CFAP251: variants seen among roughly 807,000 people sequenced by gnomAD.
The protein encoded by CFAP251 is cilia and flagella associated protein 251, also known as cilia- and flagella-associated protein 251.
Under a neutral mutation model 126.7 loss-of-function variants are expected in CFAP251, and 93 were observed. The ratio of observed to expected loss-of-function variants is 0.73; its 90% CI spans 0.62 to 0.87. CFAP251 has a LOEUF of 0.87. Ranked by LOEUF, CFAP251 falls within the 40% of genes least tolerant of loss-of-function variation. CFAP251 has a pLI of 0.00. For synonymous variants in CFAP251, 503 were observed against 506.9 expected, an observed-to-expected ratio of 0.99 and a Z score of 0.10; for missense variants, 1,287 against 1,389.2, an observed-to-expected ratio of 0.93 and a Z score of 1.17.
At chr12:121,961,847 G>C (rs1412858285) in intron 14 of CFAP251, 131 bp from the exon 15 acceptor site, 2 of 902,800 alleles carry the variant, frequency 2.2e-6, no homozygotes, top group Non-Finnish European at 1.7e-6. Flanking sequence ...TAGGAGACCT[G>C]ATACCGTCTC....
intron 19 of CFAP251, among the ~76,000 whole-genome samples, chr12:121,980,630 G>A (rs934557186): frequency 1.3e-5 from 2 of 152,120 alleles, no homozygotes; most frequent in Non-Finnish European, 2.9e-5. Context: ...TTCTAGGCAT[G>A]AGCCACCGCT....
chr12:121,958,935 C>A lies in CFAP251; in HGVS notation c.1982-8C>A. The A allele has an allele frequency of 6.3e-7, 1 of 1,576,310 alleles. No homozygotes were observed. Among genetic ancestry groups the A allele is most frequent in the South Asian group, 1.2e-5 (1 of 83,836 alleles). On this transcript the variant is annotated splice_polypyrimidine_tract_variant and splice_region_variant and intron_variant, in intron 12 of 21. Coordinates refer to ENST00000288912, the MANE Select transcript of CFAP251 (RefSeq NM_144668.6). ...CCTTTTCCATCGTTCTCTGGCTTGT[C>A]ATTTCAGGAGCCCTTCTTGGAGCTG... is the stretch of plus-strand genomic sequence containing the variant.
At chr12:121,954,364 T>C in intron 10 of CFAP251, 30 bp downstream of exon 10, 1 of 1,549,084 alleles carries the variant, frequency 6.5e-7, no homozygotes, top group Non-Finnish European at 8.8e-7. Context: ...AAGATAACTA[T>C]GGATAATTAT....
chr12:121,996,095 CCT>C (rs1394097190), intron 19 of CFAP251, among the ~76,000 whole-genome samples: 1 of 152,124 alleles, frequency 6.6e-6, no homozygotes, highest in Non-Finnish European at 1.5e-5. Context: ...AAACTGGTGT[CCT>C]CTGAATTTTT....
At chr12:121,934,398 T>C in intron 5 of CFAP251, 42 bp downstream of exon 5, 1 of 1,455,022 alleles carries the variant, frequency 6.9e-7, no homozygotes, top group Non-Finnish European at 9.6e-7. Context: ...TGAATTTCTG[T>C]AGAGTATCTG....
Position 122,003,657 on chromosome 12 carries a change from GA to G in CFAP251, c.3346del (p.Ile1116PhefsTer23). ...EPATCSVKGS[E>X]ICLEEELPDE... is the part of the protein sequence containing the mutation. ...TCTTTTCTTGTTTTGGCTAGGTTCA[GA>G]AATTTGCCTTGAAGAAGAACTTCCA... On this transcript the variant is annotated frameshift_variant, in exon 22 of 22. Transcript: ENST00000288912. LOFTEE classifies it high-confidence loss of function. The G allele has an allele frequency of 2.5e-6, 4 of 1,608,776 alleles. No homozygotes were observed. Among genetic ancestry groups the G allele is most frequent in the Non-Finnish European group, 3.4e-6 (4 of 1,178,498 alleles).
intron 10 of CFAP251, chr12:121,955,844 C>T (rs1881710123): frequency 6.6e-6 from 1 of 152,124 alleles, no homozygotes; most frequent in Non-Finnish European, 1.5e-5. Context: ...GGAGACCAGG[C>T]CTGGGTTCTC....
rs1417026260 is a variant in CFAP251 at position 121,934,236 on chromosome 12, C to T, written c.889-11C>T. 3 of 1,610,600 alleles carry T rather than the reference C, an allele frequency of 1.9e-6. No homozygotes were observed. Among genetic ancestry groups the T allele is most frequent in the East Asian group, 2.2e-5 (1 of 44,846 alleles). ...TGGATGTTTCAAAGCGTTTTCTCTC[C>T]ATTTCCATAGGGCCACGCCAATATT... On this transcript the variant is annotated splice_polypyrimidine_tract_variant and intron_variant, in intron 4 of 21. Transcript: ENST00000288912.
intron 5 of CFAP251, among the ~76,000 whole-genome samples, chr12:121,939,749 A>T (rs1312465062): frequency 1.3e-5 from 2 of 152,202 alleles, no homozygotes; most frequent in African/African-American, 4.8e-5. Flanking sequence ...TATTCATTTT[A>T]TTAGTGATAA....
intron 3 of CFAP251, 66 bp from the exon 4 acceptor site, chr12:121,931,680 T>C: frequency 7.2e-7 from 1 of 1,386,522 alleles, no homozygotes; most frequent in South Asian, 2.0e-5. Context: ...TCCGGCGAGT[T>C]CCTGGAGCCC....
At chr12:121,948,698 C>T (rs12822775) in intron 7 of CFAP251, 71,529 of 212,764 alleles carry the variant, frequency 0.34, 14,856 homozygotes, top group Non-Finnish European at 0.46. Flanking sequence ...CCAGCCTAGG[C>T]GACAGAGCAA....
At chr12:121,975,102 T>C in intron 17 of CFAP251, 142 bp from the exon 18 acceptor site, 1 of 633,970 alleles carries the variant, frequency 1.6e-6, no homozygotes, top group Non-Finnish European at 2.7e-6. Context: ...TTAAAGGACC[T>C]TTTCTTAACA....
intron 19 of CFAP251, among the ~76,000 whole-genome samples, chr12:121,990,761 C>T (rs974471963): frequency 6.6e-6 from 1 of 152,192 alleles, no homozygotes; most frequent in African/African-American, 2.4e-5. Context: ...CACCTGGGCC[C>T]CAGCCTTGTG....
At chr12:121,944,123 G>A (rs1881229703) in intron 7 of CFAP251, among the ~76,000 whole-genome samples, 1 of 152,110 alleles carries the variant, frequency 6.6e-6, no homozygotes, top group Non-Finnish European at 1.5e-5. Context: ...TTTGTGACTT[G>A]TCTCATTCAT....
At chr12:121,961,122 T>A (rs1881919024) in intron 14 of CFAP251, among the ~76,000 whole-genome samples, 1 of 152,056 alleles carries the variant, frequency 6.6e-6, no homozygotes, top group Admixed American at 6.5e-5. Flanking sequence ...GCTACCTAAA[T>A]GTGAAAACTA....
Position 121,948,985 on chromosome 12 carries a change from A to G in CFAP251, c.1193A>G (p.Asn398Ser), listed in dbSNP as rs1881424954. The change falls in exon 8 of 22, where the codon AAC becomes AGC. Residue 398 changes from asparagine (N) to serine (S), a missense_variant and splice_region_variant. Asn to Ser is a conservative substitution (Grantham distance 46). Transcript: ENST00000288912. Reference protein sequence around the residue: ...LELPTEYGVQNYVTFNPTNNK... With the variant: ...LELPTEYGVQSYVTFNPTNNK... ...GTATTTTCATACTTTATATTTCAGAACTACGTTACTTTTAACCCAACAAAT... is the reference window on the plus strand; with the variant it reads ...GTATTTTCATACTTTATATTTCAGAGCTACGTTACTTTTAACCCAACAAAT... The G allele has an allele frequency of 6.4e-7, 1 of 1,551,304 alleles. No individual in the cohort carries two copies. Among genetic ancestry groups the G allele is most frequent in the Non-Finnish European group, 8.8e-7 (1 of 1,141,082 alleles).
At chr12:121,992,429 T>C (rs1882897351) in intron 19 of CFAP251, 1 of 985,270 alleles carries the variant, frequency 1.0e-6, no homozygotes. Context: ...GTGCTGTGAA[T>C]GTTTGCTGAG....
At chr12:121,975,454 A>G (rs1882433645) in intron 18 of CFAP251, 88 bp from the exon 19 acceptor site, 10 of 1,578,044 alleles carry the variant, frequency 6.3e-6, no homozygotes, top group Non-Finnish European at 7.8e-6. Flanking sequence ...CTTAAAAGGT[A>G]CTTTCTAGAA....
At chr12:121,995,728 C>T (rs1883008994) in intron 19 of CFAP251, among the ~76,000 whole-genome samples, 1 of 152,148 alleles carries the variant, frequency 6.6e-6, no homozygotes, top group South Asian at 2.1e-4. Flanking sequence ...TCAAGCCATC[C>T]TCCCACCCTG....
Sources: gnomAD v4.1 joint callset for allele counts (sites outside exome capture counted in the v4.1 genomes callset) on GRCh38, gnomAD v4.1.1 for gene constraint, MANE v1.5 for transcripts, NCBI Gene and HGNC (gene_info 2026-07-23, HGNC 2026-07-21) for gene names.